GALNT13: variants seen among roughly 807,000 people sequenced by gnomAD.
GALNT13 encodes UDP-GalNAc:polypeptide N-acetylgalactosaminyltransferase 13.
GALNT13 carries 28 observed loss-of-function variants against 64.2 expected under a neutral mutation model. The ratio of observed to expected loss-of-function variants is 0.44; its 90% CI spans 0.32 to 0.60. The LOEUF is 0.60. Among genes scored for constraint, GALNT13 ranks in the 20% least tolerant of loss-of-function variants. GALNT13 has a pLI of 0.05. For missense variants in GALNT13, 577 were observed against 669.8 expected (o/e 0.86, Z 1.53); for synonymous variants, 214 against 224.6 (o/e 0.95, Z 0.42).
intron 3 of GALNT13, among the ~76,000 whole-genome samples, chr2:154,027,314 G>A (rs1053696352): frequency 4.6e-5 from 7 of 152,164 alleles, no homozygotes; most frequent in East Asian, 1.9e-4. Flanking sequence ...TGTCAGTAAC[G>A]TAACATTGGA....
chr2:154,319,724 G>C (rs1380554760), intron 9 of GALNT13, among the ~76,000 whole-genome samples: 1 of 151,296 alleles, frequency 6.6e-6, no homozygotes, highest in Non-Finnish European at 1.5e-5. Flanking sequence ...ATGTTGCTTT[G>C]ATGATACTTT....
chr2:153,506,811 T>C, the GALNT13 span, among the ~76,000 whole-genome samples: 1 of 152,234 alleles, frequency 6.6e-6, no homozygotes, highest in South Asian at 2.1e-4. Flanking sequence ...CTGATGACTA[T>C]GTGCCTAGGC....
intron 8 of GALNT13, among the ~76,000 whole-genome samples, chr2:154,260,593 C>A (rs1381534089): frequency 6.6e-6 from 1 of 152,132 alleles, no homozygotes; most frequent in East Asian, 1.9e-4. Flanking sequence ...CCAAACTCAG[C>A]ACCACACTCA....
chr2:153,949,865 G>A (rs1313221915), intron 3 of GALNT13, among the ~76,000 whole-genome samples: 1 of 152,030 alleles, frequency 6.6e-6, no homozygotes, highest in Non-Finnish European at 1.5e-5. Flanking sequence ...GTGGGGAAAA[G>A]AGAGGCTGTT....
chr2:153,823,635 C>T, the GALNT13 span, among the ~76,000 whole-genome samples: 11 of 152,026 alleles, frequency 7.2e-5, no homozygotes, highest in Non-Finnish European at 1.5e-4. Context: ...GGATTAAATA[C>T]TTAAATGTAA....
At chr2:153,908,148 C>T (rs1044117991) in intron 2 of GALNT13, among the ~76,000 whole-genome samples, 17 of 152,058 alleles carry the variant, frequency 1.1e-4, no homozygotes, top group Non-Finnish European at 2.4e-4. Context: ...TTCCATTTCT[C>T]TAATGATCAG....
chr2:153,600,445 G>A, the GALNT13 span, among the ~76,000 whole-genome samples: 1 of 151,964 alleles, frequency 6.6e-6, no homozygotes, highest in Non-Finnish European at 1.5e-5. Flanking sequence ...TGGAATGGAT[G>A]TAGGCTTAAA....
the GALNT13 span, among the ~76,000 whole-genome samples, chr2:153,815,187 C>A: frequency 6.6e-6 from 1 of 152,168 alleles, no homozygotes; most frequent in Non-Finnish European, 1.5e-5. Flanking sequence ...TATCTTAAAG[C>A]AGACACAGTT....
At chr2:153,141,029 C>T in the GALNT13 span, among the ~76,000 whole-genome samples, 2 of 148,338 alleles carry the variant, frequency 1.3e-5, no homozygotes, top group Non-Finnish European at 3.0e-5. Flanking sequence ...TTCTACCACT[C>T]TGTCCATCCC....
At chr2:153,218,401 C>T in the GALNT13 span, among the ~76,000 whole-genome samples, 3 of 152,134 alleles carry the variant, frequency 2.0e-5, no homozygotes, top group African/African-American at 7.2e-5. Flanking sequence ...TATTTCTGCC[C>T]TTCCTCTTAG....
At chr2:153,448,109 T>C in the GALNT13 span, among the ~76,000 whole-genome samples, 1 of 152,238 alleles carries the variant, frequency 6.6e-6, no homozygotes, top group African/African-American at 2.4e-5. Context: ...ATGAGGTTTG[T>C]GCATCTATGT....
the GALNT13 span, among the ~76,000 whole-genome samples, chr2:153,706,729 A>G: frequency 1.3e-5 from 2 of 152,058 alleles, no homozygotes; most frequent in African/African-American, 4.8e-5. Context: ...TTCAACTTCC[A>G]TTTCAAATTG....
chr2:153,612,532 G>A, the GALNT13 span, among the ~76,000 whole-genome samples: 2 of 151,748 alleles, frequency 1.3e-5, no homozygotes, highest in Admixed American at 6.6e-5. Context: ...CAACAAAATC[G>A]AAAGTCATCT....
At chr2:153,873,846 GTGTCTCTCTCTCTCGCTGTCTCCC>G (rs1574015750) in intron 1 of GALNT13, among the ~76,000 whole-genome samples, 1 of 151,248 alleles carries the variant, frequency 6.6e-6, no homozygotes, top group East Asian at 1.9e-4. Context: ...CTCTTTTTCT[GTGTCTCTCTCTCTCGCTGTCTCCC>G]TGTCTCTCTC....
intron 9 of GALNT13, among the ~76,000 whole-genome samples, chr2:154,384,434 A>C (rs1698413117): frequency 6.6e-6 from 1 of 151,868 alleles, no homozygotes; most frequent in South Asian, 2.1e-4. Flanking sequence ...GAATAAATAT[A>C]TTTCATCTAA....
At chr2:153,542,609 T>C in the GALNT13 span, among the ~76,000 whole-genome samples, 1 of 152,132 alleles carries the variant, frequency 6.6e-6, no homozygotes, top group East Asian at 1.9e-4. Flanking sequence ...AGACATCACT[T>C]GAGGGATGGT....
At chr2:154,356,647 T>C (rs1448542076) in intron 9 of GALNT13, among the ~76,000 whole-genome samples, 3 of 152,010 alleles carry the variant, frequency 2.0e-5, no homozygotes, top group African/African-American at 7.2e-5. Context: ...CAATATATTC[T>C]ACTTTAGGTC....
At chr2:154,446,349 C>T in intron 12 of GALNT13, 1 of 331,284 alleles carries the variant, frequency 3.0e-6, no homozygotes, top group South Asian at 8.5e-5. Context: ...TCGTAAGCCC[C>T]TCTCCATATT....
At chr2:153,590,274 A>C in the GALNT13 span, among the ~76,000 whole-genome samples, 1 of 152,300 alleles carries the variant, frequency 6.6e-6, no homozygotes, top group Non-Finnish European at 1.5e-5. Flanking sequence ...ACAACCTCTC[A>C]AGATTGAATC....
Sources: allele counts gnomAD v4.1 joint callset (sites outside exome capture counted in the v4.1 genomes callset), GRCh38; gene constraint gnomAD v4.1.1; transcripts MANE v1.5; gene names NCBI Gene and HGNC (gene_info 2026-07-23, HGNC 2026-07-21).